GPR39: variants seen among roughly 807,000 people sequenced by gnomAD.
The protein encoded by GPR39 is G protein-coupled receptor 39.
A neutral mutation model predicts 18.4 loss-of-function variants in GPR39; 23 were observed. That is an observed-to-expected ratio of 1.25 (90% CI 0.90 to 1.77). The LOEUF (loss-of-function observed/expected upper bound fraction) is 1.77, where lower values mean the gene tolerates loss of function less well. Among genes scored for constraint, GPR39 ranks in the 40% most tolerant of loss-of-function variants. The pLI, the probability that GPR39 is intolerant of heterozygous loss-of-function variation, is 0.00. For missense variants in GPR39, 647 were observed against 602.4 expected (o/e 1.07, Z -0.78); for synonymous variants, 280 against 257.9 (o/e 1.09, Z -0.82).
Position 132,645,123 on chromosome 2 carries a change from C to A in GPR39, c.879C>A (p.Ala293=), listed in dbSNP as rs151118262. 271 of 1,613,420 alleles carry A rather than the reference C, an allele frequency of 1.7e-4. 1 individual carries two copies. In the African/African-American group the frequency reaches 2.9e-3, roughly 17 times the overall value. ...CAGGGCTGATTGTTGTGACATTGGC[C>A]GTATGCTGGATGCCCAACCAGATTC... ...IFLRLIVVTL[A]VCWMPNQIRR... Residue 293 remains alanine (A), a synonymous_variant, in exon 2 of 2, where the codon GCC becomes GCA. Transcript: ENST00000329321.
chr2:132,435,500 G>A (rs1277191322), intron 1 of GPR39, among the ~76,000 whole-genome samples: 1 of 152,146 alleles, frequency 6.6e-6, no homozygotes, highest in Admixed American at 6.5e-5. Flanking sequence ...TATTGGTAAG[G>A]CTTCCAGTCA....
chr2:132,547,389 T>C (rs183826086), intron 1 of GPR39, among the ~76,000 whole-genome samples: 1 of 152,312 alleles, frequency 6.6e-6, no homozygotes, highest in Admixed American at 6.5e-5. Context: ...GGGAGGTTTA[T>C]AGACAATTTC....
At chr2:132,471,116 A>C (rs2104783137) in intron 1 of GPR39, among the ~76,000 whole-genome samples, 1 of 152,296 alleles carries the variant, frequency 6.6e-6, no homozygotes, top group African/African-American at 2.4e-5. Flanking sequence ...TGTGGGGCAA[A>C]GAAAGTGAGG....
At chr2:132,496,142 A>G (rs796583826) in intron 1 of GPR39, among the ~76,000 whole-genome samples, 12 of 152,306 alleles carry the variant, frequency 7.9e-5, no homozygotes, top group African/African-American at 2.9e-4. Flanking sequence ...CAATATAATT[A>G]TTCCCCATTA....
chr2:132,464,795 CCTT>C (rs1243014590), intron 1 of GPR39, among the ~76,000 whole-genome samples: 2 of 152,190 alleles, frequency 1.3e-5, no homozygotes, highest in African/African-American at 4.8e-5. Context: ...TCCCACTAGT[CCTT>C]CTAGCAAACC....
At chr2:132,440,960 A>C (rs985584916) in intron 1 of GPR39, among the ~76,000 whole-genome samples, 1 of 152,116 alleles carries the variant, frequency 6.6e-6, no homozygotes, top group Non-Finnish European at 1.5e-5. Context: ...TGCCTGAAGG[A>C]CACGCTCTTC....
intron 1 of GPR39, among the ~76,000 whole-genome samples, chr2:132,440,830 A>G (rs920378404): frequency 1.3e-5 from 2 of 152,228 alleles, no homozygotes; most frequent in Non-Finnish European, 2.9e-5. Context: ...AACAAGACCC[A>G]GGAAGGATAT....
chr2:132,638,298 C>A (rs1681800047), intron 1 of GPR39, among the ~76,000 whole-genome samples: 1 of 152,194 alleles, frequency 6.6e-6, no homozygotes, highest in Non-Finnish European at 1.5e-5. Context: ...GCTTTAAAGG[C>A]TTCAGTGACA....
At chr2:132,429,381 T>C (rs1040641547) in intron 1 of GPR39, among the ~76,000 whole-genome samples, 1 of 152,258 alleles carries the variant, frequency 6.6e-6, no homozygotes, top group Non-Finnish European at 1.5e-5. Flanking sequence ...TGGATGTTTA[T>C]CTTGCTTTTA....
chr2:132,525,643 G>A (rs1679494938), intron 1 of GPR39, among the ~76,000 whole-genome samples: 1 of 152,198 alleles, frequency 6.6e-6, no homozygotes, highest in African/African-American at 2.4e-5. Context: ...CTTACTACAA[G>A]GTGGAGGAAT....
intron 1 of GPR39, among the ~76,000 whole-genome samples, chr2:132,622,199 G>T (rs1287780503): frequency 6.6e-6 from 1 of 152,146 alleles, no homozygotes; most frequent in Admixed American, 6.5e-5. Context: ...TTCGAGACCA[G>T]CCAGGCCAAA....
chr2:132,564,803 C>CTTTTTTTTTTTTTTTTTTT (rs1680316668), intron 1 of GPR39, among the ~76,000 whole-genome samples: 1 of 91,708 alleles, frequency 1.1e-5, no homozygotes, highest in African/African-American at 3.8e-5. Flanking sequence ...CTATTTTTTT[C>CTTTTTTTTTTTTTTTTTTT]TTTTTTCTTT....
At chr2:132,553,194 T>C (rs1680081160) in intron 1 of GPR39, among the ~76,000 whole-genome samples, 1 of 151,588 alleles carries the variant, frequency 6.6e-6, no homozygotes, top group Non-Finnish European at 1.5e-5. Context: ...ATTACAGGCA[T>C]GAGCCACCAC....
At chr2:132,525,964 C>T (rs974030887) in intron 1 of GPR39, among the ~76,000 whole-genome samples, 4 of 152,154 alleles carry the variant, frequency 2.6e-5, no homozygotes, top group South Asian at 2.1e-4. Context: ...CAACCTCCTT[C>T]GTGACATCAT....
At chr2:132,535,712 G>GTTTTTTTTTTTT (rs1553454959) in intron 1 of GPR39, among the ~76,000 whole-genome samples, 1 of 49,022 alleles carries the variant, frequency 2.0e-5, no homozygotes, top group Non-Finnish European at 3.9e-5. Context: ...TTTTTGGTTG[G>GTTTTTTTTTTTT]TAGGCTATTA....
chr2:132,633,949 G>C (rs994708588), intron 1 of GPR39, among the ~76,000 whole-genome samples: 1 of 144,256 alleles, frequency 6.9e-6, no homozygotes, highest in Non-Finnish European at 1.5e-5. Context: ...GTTGGTAGAG[G>C]TGGAGGCAGT....
intron 1 of GPR39, among the ~76,000 whole-genome samples, chr2:132,528,641 G>A (rs907263052): frequency 1.3e-5 from 2 of 152,052 alleles, no homozygotes; most frequent in Admixed American, 1.3e-4. Context: ...CCTTGAAGAG[G>A]TCCTTCATAT....
At position 132,646,280 on chromosome 2, in the gene GPR39, CCT is replaced by C; in HGVS notation, c.*675_*676del. 6.7e-7 allele frequency: 1 copy of C among 1,488,256 alleles called. No homozygotes were observed. The highest frequency in any genetic ancestry group is 1.4e-5 in the South Asian group (1 of 71,334). 92.2% of individuals were successfully genotyped at this position (1,488,256 alleles called of 1,614,324 possible). On this transcript the variant is annotated 3_prime_UTR_variant, in exon 2 of 2. Transcript: ENST00000329321. ...TGCACAGGACTTGCGGTACATGATC[CCT>C]GTAACACAGACCCAAAGGAGCTGAG...
chr2:132,625,404 G>A (rs1048550066), intron 1 of GPR39, among the ~76,000 whole-genome samples: 1 of 152,082 alleles, frequency 6.6e-6, no homozygotes, highest in Admixed American at 6.6e-5. Context: ...TCTGCTGATT[G>A]TAGGACAATT....
Sources: gnomAD v4.1 joint callset for allele counts (sites outside exome capture counted in the v4.1 genomes callset) on GRCh38, gnomAD v4.1.1 for gene constraint, MANE v1.5 for transcripts, NCBI Gene and HGNC (gene_info 2026-07-23, HGNC 2026-07-21) for gene names.